Variants in KRT6C observed in about 807,000 individuals in gnomAD.
KRT6C encodes keratin 6C.
Under a neutral mutation model 49.4 loss-of-function variants are expected in KRT6C, and 46 were observed. The observed-to-expected ratio is 0.93, with a 90% CI of 0.74 to 1.19. KRT6C has a LOEUF of 1.19. Ranked by LOEUF, KRT6C falls within the 50% of genes most tolerant of loss-of-function variation. The probability of loss-of-function intolerance (pLI) is 0.00; values close to 1 mark genes in which losing one functional copy is unlikely to be tolerated. For missense variants in KRT6C, 552 were observed against 737.5 expected (o/e 0.75, Z 2.91); for synonymous variants, 236 against 297.1 (o/e 0.79, Z 2.12).
At chr12:52,470,059 G>A in intron 6 of KRT6C, 169 bp from the exon 7 acceptor site, 1 of 821,468 alleles carries the variant, frequency 1.2e-6, no homozygotes, top group East Asian at 2.7e-5. Context: ...TGGGAGTCAA[G>A]TGACAAAGTC....
intron 6 of KRT6C, 56 bp from the exon 7 acceptor site, chr12:52,469,946 G>C (rs2121517747): frequency 6.2e-7 from 1 of 1,600,884 alleles, no homozygotes; most frequent in Non-Finnish European, 8.5e-7. Context: ...GAGGAGGCTG[G>C]CCCTTGTTTA....
rs778038237 is a variant in KRT6C, at chr12:52,471,131, C to T, written c.1077+1G>A. 6.8e-6 allele frequency: 11 copies of T among 1,614,184 alleles called. No individual in the cohort carries two copies. The highest frequency in any genetic ancestry group is 1.6e-4 in the Middle Eastern group (1 of 6,062). The stretch of plus-strand genomic sequence containing the variant: ...TCAGCAGCTGCCCACTCCCTGCTCA[C>T]CTTGGTCTGGTACCAGGACTCAGCC... On this transcript the variant is annotated splice_donor_variant, in intron 5 of 8. Transcript: ENST00000252250. LOFTEE classifies it high-confidence loss of function.
chr12:52,469,261 C>T lies in KRT6C; in HGVS notation c.1496G>A (p.Gly499Asp), dbSNP rs776408562. The change falls in exon 9 of 9, where the codon GGT becomes GAT. Residue 499 changes from glycine (G) to aspartate (D), a missense_variant. By Grantham distance (94) the Gly-to-Asp change is moderately conservative. This residue lies in a region of KRT6C where 425 missense variants were observed against 439.4 expected (regional missense o/e 0.97). Coordinates refer to ENST00000252250, the MANE Select transcript of KRT6C (RefSeq NM_173086.5). Reference protein sequence around the residue: ...VQSTISSGYGGASGVGSGLGL... With the variant: ...VQSTISSGYGDASGVGSGLGL... ...TAAGCCACTGCCGACACCGCTGGCA[C>T]CGCCATAGCCACTGGAGATGGTGGA... is the stretch of plus-strand genomic sequence containing the variant. 4 of 1,613,856 alleles carry T rather than the reference C, an allele frequency of 2.5e-6. No individual in the cohort carries two copies. In the African/African-American group the frequency reaches 5.3e-5, roughly 22 times the overall value.
At chr12:52,472,909 C>G (rs1937912205) in intron 1 of KRT6C, among the ~76,000 whole-genome samples, 1 of 146,950 alleles carries the variant, frequency 6.8e-6, no homozygotes, top group African/African-American at 2.4e-5. Context: ...CTCTTAAACA[C>G]TTCAGAGGGG....
rs447151 is a variant in KRT6C, at chr12:52,468,778, G to T, written c.*284C>A. 0.31 allele frequency: 153,316 copies of T among 490,374 alleles called. 27,449 individuals carry two copies. Among genetic ancestry groups the T allele is most frequent in the East Asian group, 0.55 (15,603 of 28,604 alleles). The allele number at this position is 490,374 out of a possible 1,614,324, so 30.4% of individuals were successfully genotyped here. On this transcript the variant is annotated 3_prime_UTR_variant, in exon 9 of 9. Transcript: ENST00000252250. ...TTCTTATAATGCTCAGCCTCAGAGA[G>T]AACAATTTTGGAGGCAAGAAATTAA...
At chr12:52,469,376 G>A (rs34838670) in intron 8 of KRT6C, 35 bp downstream of exon 8, 354,594 of 1,613,810 alleles carry the variant, frequency 0.22, 40,065 homozygotes, top group Admixed American at 0.32. Flanking sequence ...AGAAGAGTGC[G>A]AGGGCAGGGG....
intron 5 of KRT6C, among the ~76,000 whole-genome samples, 186 bp from the exon 6 acceptor site, chr12:52,470,816 T>C (rs533685163): frequency 6.6e-5 from 10 of 152,280 alleles, no homozygotes; most frequent in African/African-American, 2.4e-4. Context: ...ATCCTCATTA[T>C]GGCACCACTG....
intron 6 of KRT6C, chr12:52,470,276 G>T (rs394676): frequency 4.4e-6 from 3 of 683,420 alleles, no homozygotes; most frequent in African/African-American, 3.6e-5. Context: ...AGGGGAGGTG[G>T]TAACTTTTTA....
At chr12:52,471,577 C>T (rs942117960) in intron 3 of KRT6C, 61 bp from the exon 4 acceptor site, 41 of 1,539,880 alleles carry the variant, frequency 2.7e-5, no homozygotes, top group Admixed American at 2.3e-4. Flanking sequence ...TACCCATCTT[C>T]TAGTCCTCCT....
At chr12:52,470,803 A>G (rs1377718149) in intron 5 of KRT6C, among the ~76,000 whole-genome samples, 173 bp from the exon 6 acceptor site, 2 of 152,098 alleles carry the variant, frequency 1.3e-5, no homozygotes, top group African/African-American at 4.8e-5. Context: ...GGAGTCACAG[A>G]CGATCCTCAT....
chr12:52,473,803 G>T lies in KRT6C; in HGVS notation c.-66C>A. The T allele has an allele frequency of 6.2e-7, 1 of 1,611,450 alleles. No homozygotes were observed. Among genetic ancestry groups the T allele is most frequent in the South Asian group, 1.1e-5 (1 of 90,774 alleles). The stretch of plus-strand genomic sequence containing the variant: ...TGGAGGCGAGAGGCAGGAGAAGCAG[G>T]ACAAGGAATCGGGCTCCAGCAGTAG... On this transcript the variant is annotated 5_prime_UTR_variant, in exon 1 of 9. Transcript: ENST00000252250.
Position 52,471,706 on chromosome 12 carries a change from G to A in KRT6C, c.782C>T (p.Thr261Ile), listed in dbSNP as rs368019303. 6.2e-7 allele frequency: 1 copy of A among 1,613,518 alleles called. No individual in the cohort carries two copies. Among genetic ancestry groups the A allele is most frequent in the Non-Finnish European group, 8.5e-7 (1 of 1,179,786 alleles). The stretch of plus-strand genomic sequence containing the variant: ...AGTCACAAATTCATTCTCTGCTGCT[G>A]TGCGCTTGTTGATTTCATCCTCATA... Reference protein sequence around the residue: ...NKYEDEINKRTAAENEFVTLK... With the variant: ...NKYEDEINKRIAAENEFVTLK... The change falls in exon 3 of 9, where the codon ACA becomes ATA. Residue 261 changes from threonine (T) to isoleucine (I), a missense_variant. This residue lies in a region of KRT6C where 425 missense variants were observed against 439.4 expected (regional missense o/e 0.97). Coordinates refer to ENST00000252250, the MANE Select transcript of KRT6C (RefSeq NM_173086.5).
In KRT6C at chr12:52,469,662, T is replaced by C; in HGVS notation, c.1424+8A>G. ...CAGCTGTTGGAGGAAGTCGCGTCAG[T>C]TACCTACCTGCACTCCTCGCCCTCC... On this transcript the variant is annotated splice_region_variant and intron_variant, in intron 7 of 8. Coordinates refer to ENST00000252250, the MANE Select transcript of KRT6C (RefSeq NM_173086.5). 1.2e-6 allele frequency: 2 copies of C among 1,614,182 alleles called. No homozygotes were observed. The highest frequency in any genetic ancestry group is 8.5e-7 in the Non-Finnish European group (1 of 1,180,026).
At chr12:52,470,928 G>C (rs1041362854) in intron 5 of KRT6C, among the ~76,000 whole-genome samples, 6 of 152,100 alleles carry the variant, frequency 3.9e-5, no homozygotes, top group African/African-American at 1.2e-4. Context: ...CCTTGTCTAT[G>C]GCAGCTTTCC....
intron 6 of KRT6C, 191 bp from the exon 7 acceptor site, chr12:52,470,081 G>T: frequency 5.6e-6 from 4 of 714,234 alleles, no homozygotes; most frequent in Non-Finnish European, 9.5e-6. Context: ...TATGCCCCTT[G>T]TATTAAGCAC....
chr12:52,471,769 T>C, intron 2 of KRT6C, 37 bp from the exon 3 acceptor site: 1 of 1,613,592 alleles, frequency 6.2e-7, no homozygotes, highest in South Asian at 1.1e-5. Context: ...TATGAGCCAG[T>C]GGGTAGGATG....
rs1258492095 is a variant in KRT6C, at chr12:52,470,556, G to T, written c.1152C>A (p.Ile384=). The T allele has an allele frequency of 6.2e-7, 1 of 1,614,126 alleles. No individual in the cohort carries two copies. ...ATCTCAGCCTCTGGATCATGCGGTT[G>T]ATCTCAGCAATCTCCTGCTTGGTGT... ...LRNTKQEIAE[I]NRMIQRLRSE... is the part of the protein sequence containing the mutation. Residue 384 remains isoleucine (I), a synonymous_variant, in exon 6 of 9, where the codon ATC becomes ATA. Transcript: ENST00000252250.
Position 52,472,327 on chromosome 12 carries a change from A to G in KRT6C, c.541-47T>C, listed in dbSNP as rs199925866. ...CATTTTCCAGGCAAAGGAAGGAAGA[A>G]AAAGTGTCTGGTATCCAGTTTCCTG... On this transcript the variant is annotated intron_variant, in intron 1 of 8. Transcript: ENST00000252250. 5.1e-6 allele frequency: 7 copies of G among 1,375,614 alleles called. 2 individuals are homozygous for G. Among genetic ancestry groups the G allele is most frequent in the Non-Finnish European group, 6.0e-6 (6 of 991,844 alleles). 85.2% of individuals were successfully genotyped at this position (1,375,614 alleles called of 1,614,324 possible).
chr12:52,473,414 A>G lies in KRT6C; in HGVS notation c.324T>C (p.Ile108=). The change falls in exon 1 of 9, where the codon ATT becomes ATC. Residue 108 remains isoleucine, a synonymous_variant. Transcript: ENST00000252250. ...SGFGFGGGAG[I]GFGLGGGAGL... ...CGGCTCCACCACCCAGACCAAAGCCAATGCCGGCTCCACCACCGAAACCAA... is the reference window on the plus strand; with the variant it reads ...CGGCTCCACCACCCAGACCAAAGCCGATGCCGGCTCCACCACCGAAACCAA... The G allele has an allele frequency of 7.5e-7, 1 of 1,333,384 alleles. No individual in the cohort carries two copies. The highest frequency in any genetic ancestry group is 1.0e-6 in the Non-Finnish European group (1 of 962,312). The allele number at this position is 1,333,384 out of a possible 1,614,324, so 82.6% of individuals were successfully genotyped here.
Sources: gnomAD v4.1 joint callset for allele counts (sites outside exome capture counted in the v4.1 genomes callset) on GRCh38, gnomAD v4.1.1 for gene constraint, gnomAD v4.1.1 regional missense constraint, MANE v1.5 for transcripts, NCBI Gene and HGNC (gene_info 2026-07-23, HGNC 2026-07-21) for gene names.